The following AP3S1 variants were observed in gnomAD, a reference collection of about 807,000 sequenced individuals.
The protein encoded by AP3S1 is AP-3 complex subunit sigma-1.
Under a neutral mutation model 21.3 loss-of-function variants are expected in AP3S1, and 12 were observed. That is an observed-to-expected ratio of 0.56 (90% CI 0.36 to 0.91). The LOEUF (loss-of-function observed/expected upper bound fraction) is 0.91, where lower values mean the gene tolerates loss of function less well. AP3S1 is among the 40% of genes least tolerant of loss of function. The probability of loss-of-function intolerance (pLI) is 0.01; values close to 1 mark genes in which losing one functional copy is unlikely to be tolerated. For synonymous variants in AP3S1, 48 were observed against 78.4 expected, an observed-to-expected ratio of 0.61 and a Z score of 2.05; for missense variants, 116 against 225.0, an observed-to-expected ratio of 0.52 and a Z score of 3.10.
rs1761572856 is a variant in AP3S1 at position 115,841,964 on chromosome 5, A to G, written c.-74A>G. On this transcript the variant is annotated 5_prime_UTR_variant, in exon 1 of 6. Transcript: ENST00000316788. The stretch of plus-strand genomic sequence containing the variant: ...GGCGGGTGGGGAAGGATCGCAGGCG[A>G]GATTACGAGGCGAGGCTCGCGCGCC... The G allele has an allele frequency of 2.0e-6, 3 of 1,501,954 alleles. No homozygotes were observed. The highest frequency in any genetic ancestry group is 4.4e-5 in the Admixed American group (2 of 45,168). The allele number at this position is 1,501,954 out of a possible 1,614,324, so 93.0% of individuals were successfully genotyped here. A position where few individuals can be genotyped will look rare whatever the true frequency, so the allele number is the denominator to read the frequency against.
intron 1 of AP3S1, among the ~76,000 whole-genome samples, chr5:115,846,083 A>T (rs902721660): frequency 2.0e-5 from 3 of 152,170 alleles, no homozygotes; most frequent in Admixed American, 1.3e-4. Flanking sequence ...CTTATATTTT[A>T]TAAACTAAAT....
At chr5:115,885,354 C>T (rs1306914753) in intron 3 of AP3S1, among the ~76,000 whole-genome samples, 1 of 152,122 alleles carries the variant, frequency 6.6e-6, no homozygotes, top group East Asian at 1.9e-4. Flanking sequence ...AACAGGGAAG[C>T]CAACAGTGCA....
At chr5:115,897,382 A>G (rs1750840862) in intron 4 of AP3S1, among the ~76,000 whole-genome samples, 1 of 152,306 alleles carries the variant, frequency 6.6e-6, no homozygotes, top group African/African-American at 2.4e-5. Context: ...TTAGGATACC[A>G]AAAGACAGAG....
chr5:115,862,486 T>A (rs1763271944), intron 1 of AP3S1, among the ~76,000 whole-genome samples: 1 of 152,218 alleles, frequency 6.6e-6, no homozygotes, highest in African/African-American at 2.4e-5. Flanking sequence ...GTGGTGCTAT[T>A]CTCAGTACGT....
intron 1 of AP3S1, among the ~76,000 whole-genome samples, chr5:115,850,857 C>T (rs921656667): frequency 2.0e-5 from 3 of 152,020 alleles, no homozygotes; most frequent in African/African-American, 7.2e-5. Context: ...GATATGAGCT[C>T]CCTTTGGCCA....
chr5:115,906,911 G>T, intron 5 of AP3S1: 2 of 1,457,156 alleles, frequency 1.4e-6, no homozygotes, highest in African/African-American at 1.4e-5. Flanking sequence ...AAAGCAAAAT[G>T]ATGTCAAAGG....
chr5:115,848,955 G>A (rs1284156534), intron 1 of AP3S1, among the ~76,000 whole-genome samples: 1 of 152,210 alleles, frequency 6.6e-6, no homozygotes, highest in Non-Finnish European at 1.5e-5. Context: ...GATTCCAAGT[G>A]GAGGAAGCCC....
chr5:115,859,869 C>G (rs1303946642), intron 1 of AP3S1, among the ~76,000 whole-genome samples: 1 of 152,200 alleles, frequency 6.6e-6, no homozygotes, highest in Admixed American at 6.5e-5. Context: ...CTGGTGGTAT[C>G]TGTACATTTA....
At chr5:115,873,425 G>T (rs1180037111) in intron 3 of AP3S1, among the ~76,000 whole-genome samples, 1 of 152,126 alleles carries the variant, frequency 6.6e-6, no homozygotes, top group Non-Finnish European at 1.5e-5. Flanking sequence ...ACTAAAGTAG[G>T]CTAGAGCTGT....
intron 1 of AP3S1, among the ~76,000 whole-genome samples, chr5:115,858,747 T>A (rs1206596320): frequency 6.6e-6 from 1 of 151,212 alleles, no homozygotes; most frequent in Admixed American, 6.6e-5. Flanking sequence ...ATATTTTAAA[T>A]TCCCATGAGC....
Position 115,913,626 on chromosome 5 carries a change from G to A in AP3S1, c.*136G>A. 4 of 1,369,262 alleles carry A rather than the reference G, an allele frequency of 2.9e-6. No homozygotes were observed. The highest frequency in any genetic ancestry group is 2.9e-6 in the Non-Finnish European group (3 of 1,019,042). The allele number at this position is 1,369,262 out of a possible 1,614,324, so 84.8% of individuals were successfully genotyped here. ...ATTTAAGTCAAGGTACTGTATAGAAGTTGTGTAAAATCAGTATGAAAGTTC... is the reference window on the plus strand; with the variant it reads ...ATTTAAGTCAAGGTACTGTATAGAAATTGTGTAAAATCAGTATGAAAGTTC... On this transcript the variant is annotated 3_prime_UTR_variant, in exon 6 of 6. Coordinates refer to ENST00000316788, the MANE Select transcript of AP3S1 (RefSeq NM_001284.4).
chr5:115,913,339 C>T, intron 5 of AP3S1, 23 bp from the exon 6 acceptor site: 1 of 1,041,322 alleles, frequency 9.6e-7, no homozygotes, highest in South Asian at 3.0e-5. Context: ...TTTTCTTTTT[C>T]TTTTATTTGC....
intron 1 of AP3S1, among the ~76,000 whole-genome samples, chr5:115,845,907 G>T (rs1013044939): frequency 6.2e-5 from 8 of 129,170 alleles, no homozygotes; most frequent in Non-Finnish European, 9.6e-5. Flanking sequence ...ATCCCTTTTC[G>T]TTTTTGCCTT....
At chr5:115,842,255 T>G in intron 1 of AP3S1, 149 bp downstream of exon 1, 1 of 1,262,394 alleles carries the variant, frequency 7.9e-7, no homozygotes, top group South Asian at 1.7e-5. Flanking sequence ...GTCAGCCTCC[T>G]GGTGGGTGTG....
In AP3S1 at chr5:115,891,376, T is replaced by C. The variant is rs556470812; in HGVS notation, c.274-3711T>C. Among the ~76,000 whole-genome samples the C allele has an allele frequency of 7.9e-5, 12 of 152,226 alleles. No homozygotes were observed. The East Asian group carries it at 1.9e-3, about 25-fold the overall frequency. On this transcript the variant is annotated intron_variant, in intron 3 of 5. Transcript: ENST00000316788. ...AGTGCTGACAGTATCTACGTGGGGA[T>C]AGTATCAGATCCCATGACACAGTCC...
intron 3 of AP3S1, among the ~76,000 whole-genome samples, chr5:115,890,685 C>T (rs942678969): frequency 1.3e-5 from 2 of 152,160 alleles, no homozygotes; most frequent in Non-Finnish European, 2.9e-5. Context: ...TTTTCCATAA[C>T]TTTTAACTAT....
intron 1 of AP3S1, among the ~76,000 whole-genome samples, chr5:115,853,725 T>C (rs868411510): frequency 7.2e-5 from 11 of 152,194 alleles, no homozygotes; most frequent in Admixed American, 3.9e-4. Context: ...TCTTTCCCTA[T>C]TGAATTGCCT....
Position 115,913,427 on chromosome 5 carries a change from C to T in AP3S1, c.519C>T (p.Ile173=). Reference sequence around the variant, plus strand: ...TAAAGAATATGAATCTTCCTGAGATCCCAAGAAATATTAACATTGGTGACA... The same window carrying T: ...TAAAGAATATGAATCTTCCTGAGATTCCAAGAAATATTAACATTGGTGACA... ...SAVKNMNLPE[I]PRNINIGDIS... The change falls in exon 6 of 6, where the codon ATC becomes ATT. Residue 173 remains isoleucine, a synonymous_variant. Coordinates refer to ENST00000316788, the MANE Select transcript of AP3S1 (RefSeq NM_001284.4). The T allele has an allele frequency of 6.2e-7, 1 of 1,613,966 alleles. No individual in the cohort carries two copies. The highest frequency in any genetic ancestry group is 8.5e-7 in the Non-Finnish European group (1 of 1,179,814).
intron 3 of AP3S1, among the ~76,000 whole-genome samples, chr5:115,877,822 G>A (rs1748870294): frequency 6.6e-6 from 1 of 152,172 alleles, no homozygotes; most frequent in African/African-American, 2.4e-5. Flanking sequence ...CACCAACAGT[G>A]TAAAAGCGTT....
Sources: gnomAD v4.1 joint callset for allele counts (sites outside exome capture counted in the v4.1 genomes callset) on GRCh38, gnomAD v4.1.1 for gene constraint, MANE v1.5 for transcripts, NCBI Gene and HGNC (gene_info 2026-07-23, HGNC 2026-07-21) for gene names.